SAMD3: variants seen among roughly 807,000 people sequenced by gnomAD.
SAMD3 encodes the protein sterile alpha motif domain containing 3, also known as sterile alpha motif domain-containing protein 3.
In SAMD3, 63 loss-of-function variants were observed where a neutral mutation model predicts 58.5. The ratio of observed to expected loss-of-function variants is 1.08; its 90% CI spans 0.88 to 1.33. The LOEUF (loss-of-function observed/expected upper bound fraction) is 1.33. Among genes scored for constraint, SAMD3 ranks in the 40% most tolerant of loss-of-function variants. The pLI, the probability that SAMD3 is intolerant of heterozygous loss-of-function variation, is 0.00. For synonymous variants in SAMD3, 220 were observed against 210.3 expected (o/e 1.05, Z -0.40); for missense variants, 604 against 608.4 (o/e 0.99, Z 0.08).
chr6:130,161,659 T>C (rs1025446961), intron 8 of SAMD3: 1 of 152,200 alleles, frequency 6.6e-6, no homozygotes, highest in Non-Finnish European at 1.5e-5. Context: ...TATATATTAT[T>C]AAAGCTGGAA....
chr6:130,275,095 G>T (rs1384526113), intron 2 of SAMD3, among the ~76,000 whole-genome samples: 3 of 152,116 alleles, frequency 2.0e-5, no homozygotes, highest in Non-Finnish European at 4.4e-5. Flanking sequence ...TGAGTTGTAT[G>T]CCCATTAAAT....
intron 2 of SAMD3, among the ~76,000 whole-genome samples, chr6:130,292,459 G>T (rs1775403976): frequency 6.7e-6 from 1 of 149,322 alleles, no homozygotes; most frequent in Non-Finnish European, 1.5e-5. Context: ...GCTAATTTTT[G>T]TATTTTTAGT....
intron 8 of SAMD3, among the ~76,000 whole-genome samples, chr6:130,174,956 A>C (rs1215943922): frequency 2.0e-5 from 3 of 152,256 alleles, no homozygotes; most frequent in African/African-American, 4.8e-5. Context: ...TAGCACTAGT[A>C]AAACTGAGGT....
At chr6:130,237,379 ATC>A (rs1773199749) in intron 2 of SAMD3, among the ~76,000 whole-genome samples, 1 of 152,118 alleles carries the variant, frequency 6.6e-6, no homozygotes, top group African/African-American at 2.4e-5. Context: ...TAGTTCTCAT[ATC>A]TCATCTTTTT....
upstream of SAMD3, among the ~76,000 whole-genome samples, chr6:130,226,743 G>T (rs111587949): frequency 6.6e-6 from 1 of 152,004 alleles, no homozygotes; most frequent in Non-Finnish European, 1.5e-5. Flanking sequence ...CAGGAGAATC[G>T]CTTGAACCTG....
At position 130,298,432 on chromosome 6, in the gene SAMD3, A is replaced by G. The variant is rs117322206; in HGVS notation, c.-188+14546T>C. Among the ~76,000 whole-genome samples the G allele has an allele frequency of 4.1e-4, 62 of 152,356 alleles. No individual in the cohort carries two copies. The East Asian group carries it at 0.011, about 27-fold the overall frequency. Reference sequence around the variant, plus strand: ...GACGCTTGCTACCATAAAAGCACACATAAGTACACAGATCATATAAGGCAA... The same window carrying G: ...GACGCTTGCTACCATAAAAGCACACGTAAGTACACAGATCATATAAGGCAA... On this transcript the variant is annotated intron_variant, in intron 2 of 13. Transcript: ENST00000368134.
upstream of SAMD3, chr6:130,365,867 CTG>C (rs1778123120): frequency 1.0e-6 from 1 of 985,530 alleles, no homozygotes; most frequent in Non-Finnish European, 1.2e-6. Context: ...GGTGGCAGGA[CTG>C]GGGTTTCCCA....
At chr6:130,356,075 A>T (rs1032332823) in intron 1 of SAMD3, among the ~76,000 whole-genome samples, 34 of 152,168 alleles carry the variant, frequency 2.2e-4, no homozygotes, top group African/African-American at 8.2e-4. Context: ...TGAAAATGCG[A>T]ATCAGATTGT....
chr6:130,277,055 C>T (rs1332345100), intron 2 of SAMD3, among the ~76,000 whole-genome samples: 1 of 152,056 alleles, frequency 6.6e-6, no homozygotes, highest in Non-Finnish European at 1.5e-5. Flanking sequence ...TCTATAAAAG[C>T]AATTGAGAAA....
At position 130,357,118 on chromosome 6, in the gene SAMD3, C is replaced by CTTTTTTT. The variant is rs1169066063; in HGVS notation, c.-304+7995_-304+8001dup. Among the ~76,000 whole-genome samples, 16 of 91,742 alleles carry CTTTTTTT rather than the reference C, an allele frequency of 1.7e-4. 1 individual carries two copies. Among genetic ancestry groups the CTTTTTTT allele is most frequent in the East Asian group, 3.6e-4 (1 of 2,776 alleles). 60.2% of individuals were successfully genotyped at this position (91,742 alleles called of 152,430 possible). On this transcript the variant is annotated intron_variant, in intron 1 of 13. Coordinates refer to the SAMD3 transcript ENST00000368134. Reference sequence around the variant, plus strand: ...TTTAAAAAATTATCTGCCATGGCATCTTTTTTTTTTTTTTTTTTTTTTTTG... The same window carrying CTTTTTTT: ...TTTAAAAAATTATCTGCCATGGCATCTTTTTTTTTTTTTTTTTTTTTTTTTTTTTTTG...
intron 3 of SAMD3, 140 bp downstream of exon 3, chr6:130,215,055 A>C: frequency 2.1e-6 from 1 of 486,606 alleles, no homozygotes; most frequent in Admixed American, 3.8e-5. Flanking sequence ...AAAGAAATGA[A>C]AAGTTCTCTA....
intron 8 of SAMD3, among the ~76,000 whole-genome samples, chr6:130,173,704 G>T (rs371247773): frequency 6.6e-6 from 1 of 152,206 alleles, no homozygotes; most frequent in Non-Finnish European, 1.5e-5. Flanking sequence ...GAGCTGGTGC[G>T]CTGTGCTGGG....
At chr6:130,220,453 T>G (rs1278470405) in intron 1 of SAMD3, among the ~76,000 whole-genome samples, 1 of 152,190 alleles carries the variant, frequency 6.6e-6, no homozygotes, top group African/African-American at 2.4e-5. Context: ...AACTTATGGT[T>G]TATCCCTGCT....
At chr6:130,150,024 T>C (rs1789000316) in intron 9 of SAMD3, among the ~76,000 whole-genome samples, 1 of 152,210 alleles carries the variant, frequency 6.6e-6, no homozygotes, top group Non-Finnish European at 1.5e-5. Context: ...TCCAATATGC[T>C]TTTAAGCCTA....
chr6:130,251,487 T>A (rs1008191708), intron 2 of SAMD3, among the ~76,000 whole-genome samples: 6 of 152,286 alleles, frequency 3.9e-5, no homozygotes, highest in African/African-American at 1.4e-4. Flanking sequence ...CGTCTGTTTT[T>A]TTCTAAAACT....
chr6:130,229,890 C>A (rs1796494910), intron 2 of SAMD3, among the ~76,000 whole-genome samples: 1 of 152,132 alleles, frequency 6.6e-6, no homozygotes, highest in Non-Finnish European at 1.5e-5. Context: ...CCACAGTGAC[C>A]AGTTTTAATG....
intron 1 of SAMD3, among the ~76,000 whole-genome samples, chr6:130,336,619 C>T (rs1389636050): frequency 6.6e-6 from 1 of 152,182 alleles, no homozygotes; most frequent in African/African-American, 2.4e-5. Flanking sequence ...GAGTGCCTGC[C>T]ATCATTGTGC....
intron 5 of SAMD3, among the ~76,000 whole-genome samples, chr6:130,189,226 C>T (rs1309245929): frequency 6.6e-6 from 1 of 151,952 alleles, no homozygotes; most frequent in Non-Finnish European, 1.5e-5. Context: ...TGGAGACAGA[C>T]CTTTATGGAA....
Position 130,292,263 on chromosome 6 carries a change from C to CTTTTT in SAMD3, c.-188+20714_-188+20715insAAAAA, listed in dbSNP as rs1412339110. Among the ~76,000 whole-genome samples, 6 of 125,822 alleles carry CTTTTT rather than the reference C, an allele frequency of 4.8e-5. 1 individual carries two copies. Among genetic ancestry groups the CTTTTT allele is most frequent in the South Asian group, 2.6e-4 (1 of 3,880 alleles). 82.5% of individuals were successfully genotyped at this position (125,822 alleles called of 152,430 possible). Reference sequence around the variant, plus strand: ...AATTCTCAGGAATAACTTTTTTTTTCTTTCTTTCTTTTTTTTTTTTTTTTG... The same window carrying CTTTTT: ...AATTCTCAGGAATAACTTTTTTTTTCTTTTTTTTCTTTCTTTTTTTTTTTTTTTTG... On this transcript the variant is annotated intron_variant, in intron 2 of 13. Transcript: ENST00000368134.
Sources: gnomAD v4.1 joint callset for allele counts (sites outside exome capture counted in the v4.1 genomes callset) on GRCh38, gnomAD v4.1.1 for gene constraint, MANE v1.5 for transcripts, NCBI Gene and HGNC (gene_info 2026-07-23, HGNC 2026-07-21) for gene names.